The following FAM135B variants were observed in gnomAD, a reference collection of about 807,000 sequenced individuals.
The protein encoded by FAM135B is family with sequence similarity 135 member B.
A neutral mutation model predicts 127.7 loss-of-function variants in FAM135B; 43 were observed. The ratio of observed to expected loss-of-function variants is 0.34; its 90% CI spans 0.26 to 0.43. FAM135B has a LOEUF of 0.43. Among genes scored for constraint, FAM135B ranks in the 20% least tolerant of loss-of-function variants. The pLI is 1.00. For missense variants in FAM135B, 1,558 were observed against 1,725.6 expected (o/e 0.90, Z 1.72); for synonymous variants, 670 against 665.1 (o/e 1.01, Z -0.11).
intron 7 of FAM135B, among the ~76,000 whole-genome samples, chr8:138,235,574 G>T (rs1820209852): frequency 6.6e-6 from 1 of 152,142 alleles, no homozygotes; most frequent in Non-Finnish European, 1.5e-5. Flanking sequence ...CAATAGAAAT[G>T]GGTATAAGAG....
rs763726471 is a variant in FAM135B at position 138,152,312 on chromosome 8, A to T, written c.2163T>A (p.His721Gln). 2.5e-6 allele frequency: 4 copies of T among 1,614,158 alleles called. No individual in the cohort carries two copies. Among genetic ancestry groups the T allele is most frequent in the Non-Finnish European group, 2.5e-6 (3 of 1,180,044 alleles). ...REVLHPFVRR[H>Q]ALHRNSLEGG... ...CCTCTAGGGAGTTCCGGTGGAGGGC[A>T]TGTCTTCGAACAAACGGGTGCAAGA... The change falls in exon 13 of 20, where the codon CAT (histidine) becomes CAA (glutamine). Residue 721 changes from histidine (H) to glutamine (Q), a missense_variant. Transcript: ENST00000395297.
intron 1 of FAM135B, among the ~76,000 whole-genome samples, chr8:138,395,535 G>T (rs1832801084): frequency 6.6e-6 from 1 of 152,138 alleles, no homozygotes; most frequent in South Asian, 2.1e-4. Flanking sequence ...AGCCCTATTA[G>T]ATTACAGATT....
In FAM135B at chr8:138,243,052, T is replaced by C. The variant is rs754699690; in HGVS notation, c.559A>G (p.Arg187Gly). 6.2e-6 allele frequency: 10 copies of C among 1,609,614 alleles called. No individual in the cohort carries two copies. The highest frequency in any genetic ancestry group is 6.8e-6 in the Non-Finnish European group (8 of 1,178,796). Residue 187 changes from arginine to glycine, a missense_variant, in exon 7 of 20, where the codon AGA becomes GGA. This residue lies in a region of FAM135B where 199 missense variants were observed against 245.7 expected (regional missense o/e 0.81). Coordinates refer to ENST00000395297, the MANE Select transcript of FAM135B (RefSeq NM_015912.4). The surrounding 1 kb of genome is among the most constrained non-coding windows in gnomAD (Gnocchi z 7.5). ...CCACCTTTACCAAGCCAGGAGCCTC[T>C]TCCTGGACGAGTAAAACTAAACAAA... is the stretch of plus-strand genomic sequence containing the variant. Reference protein sequence around the residue: ...QPLISFTRPGRGSWLGKGGPD... With the variant: ...QPLISFTRPGGGSWLGKGGPD...
At chr8:138,295,363 T>C (rs1349042178) in intron 3 of FAM135B, among the ~76,000 whole-genome samples, 1 of 152,040 alleles carries the variant, frequency 6.6e-6, no homozygotes, top group African/African-American at 2.4e-5. Context: ...AACATCTCCT[T>C]ATCTACAGAA....
chr8:138,497,473 G>T (rs1030426626), upstream of FAM135B, among the ~76,000 whole-genome samples: 1 of 152,146 alleles, frequency 6.6e-6, no homozygotes, highest in Non-Finnish European at 1.5e-5. Context: ...CTCGAGCCAA[G>T]ACCCCAGGCC....
At chr8:138,196,048 G>A (rs11776273) in intron 8 of FAM135B, among the ~76,000 whole-genome samples, 22,918 of 152,130 alleles carry the variant, frequency 0.15, 2,030 homozygotes, top group East Asian at 0.27. Flanking sequence ...CCTGAACCCC[G>A]CAAGGCAAAA....
intron 2 of FAM135B, among the ~76,000 whole-genome samples, chr8:138,344,676 T>C (rs1333753098): frequency 6.7e-6 from 1 of 149,630 alleles, no homozygotes; most frequent in Non-Finnish European, 1.5e-5. Context: ...CCCAGGTTCA[T>C]GACATTCGCC....
chr8:138,268,980 A>C (rs1049211754), intron 3 of FAM135B, among the ~76,000 whole-genome samples: 1 of 152,190 alleles, frequency 6.6e-6, no homozygotes, highest in African/African-American at 2.4e-5. Context: ...GAAGAAGGAA[A>C]GGGAATGTGA....
chr8:138,430,960 T>C (rs2131504556), intron 1 of FAM135B, among the ~76,000 whole-genome samples: 1 of 152,242 alleles, frequency 6.6e-6, no homozygotes, highest in East Asian at 1.9e-4. Flanking sequence ...AAATAATGTA[T>C]AAAATGAGCT....
chr8:138,417,020 C>T (rs999609232), intron 1 of FAM135B, among the ~76,000 whole-genome samples: 11 of 152,148 alleles, frequency 7.2e-5, no homozygotes, highest in Non-Finnish European at 1.2e-4. Flanking sequence ...CAGGAAACTG[C>T]CCAGAGAGAT....
Position 138,139,082 on chromosome 8 carries a change from G to A in FAM135B, c.3805C>T (p.Gln1269Ter), listed in dbSNP as rs2130567066. 6.2e-7 allele frequency: 1 copy of A among 1,610,190 alleles called. No homozygotes were observed. The highest frequency in any genetic ancestry group is 8.5e-7 in the Non-Finnish European group (1 of 1,176,500). Residue 1269 changes from glutamine to a stop codon, truncating the protein, a stop_gained, in exon 18 of 20, where the codon CAG becomes TAG. Transcript: ENST00000395297. LOFTEE classifies it high-confidence loss of function. ...TLVSTGLWLMQKLKKSGSLLQ... is the reference protein window; with the variant it reads ...TLVSTGLWLM ...AGAGACCCGGATTTCTTCAGTTTCT[G>A]CATGAGCCATAAGCCTAGGAAGACA...
intron 1 of FAM135B, chr8:138,436,987 A>G (rs1294341532): frequency 6.6e-6 from 1 of 152,204 alleles, no homozygotes; most frequent in Admixed American, 6.5e-5. Context: ...ACAGGATGGC[A>G]TAAATAAGGA....
chr8:138,192,183 G>T (rs1816189815), intron 9 of FAM135B, among the ~76,000 whole-genome samples: 1 of 152,210 alleles, frequency 6.6e-6, no homozygotes, highest in African/African-American at 2.4e-5. Flanking sequence ...AAGAGAAAAA[G>T]GCATCAATGA....
chr8:138,434,426 G>A (rs1397218592), intron 1 of FAM135B, among the ~76,000 whole-genome samples: 1 of 152,028 alleles, frequency 6.6e-6, no homozygotes, highest in South Asian at 2.1e-4. Context: ...GTGGGTGTAA[G>A]TGTTCCCATT....
intron 3 of FAM135B, among the ~76,000 whole-genome samples, chr8:138,302,805 CA>C (rs1255101905): frequency 5.9e-5 from 9 of 152,230 alleles, no homozygotes; most frequent in Admixed American, 6.5e-5. Context: ...CGCCAGCCAC[CA>C]AGCTCGCTGT....
At chr8:138,425,010 C>T (rs990364742) in intron 1 of FAM135B, among the ~76,000 whole-genome samples, 7 of 152,202 alleles carry the variant, frequency 4.6e-5, no homozygotes, top group Admixed American at 3.3e-4. Context: ...TTATCTGTCA[C>T]TTCAGAATAT....
At chr8:138,330,256 G>A (rs1828073651) in intron 2 of FAM135B, among the ~76,000 whole-genome samples, 1 of 152,154 alleles carries the variant, frequency 6.6e-6, no homozygotes, top group South Asian at 2.1e-4. Context: ...TGTGGCTGCT[G>A]CTTTATGTGG....
chr8:138,197,495 G>T (rs1586747792), intron 8 of FAM135B, 21 bp downstream of exon 8: 5 of 1,608,192 alleles, frequency 3.1e-6, no homozygotes, highest in East Asian at 2.2e-5. Flanking sequence ...GGATGGGCTT[G>T]CCCCTGTCCT....
At chr8:138,160,201 T>G (rs1054869811) in intron 12 of FAM135B, among the ~76,000 whole-genome samples, 6 of 152,114 alleles carry the variant, frequency 3.9e-5, no homozygotes, top group African/African-American at 1.4e-4. Flanking sequence ...GATCTCCTTT[T>G]TGACTGGATG....
Sources: allele counts gnomAD v4.1 joint callset (sites outside exome capture counted in the v4.1 genomes callset), GRCh38; gene constraint gnomAD v4.1.1; regional missense constraint gnomAD v4.1.1; non-coding constraint Gnocchi (gnomAD v3.1); transcripts MANE v1.5; gene names NCBI Gene and HGNC (gene_info 2026-07-23, HGNC 2026-07-21).